Variants in FRAS1 observed in about 807,000 individuals in gnomAD.
The protein encoded by FRAS1 is Fraser extracellular matrix complex subunit 1.
In FRAS1, 290 loss-of-function variants were observed where a neutral mutation model predicts 435.2. The ratio of observed to expected loss-of-function variants is 0.67; its 90% CI spans 0.61 to 0.73. FRAS1 has a LOEUF of 0.73. Ranked by LOEUF, FRAS1 falls within the 30% of genes least tolerant of loss-of-function variation. The pLI is 0.00. For missense variants in FRAS1, 4,860 were observed against 5,001.5 expected (o/e 0.97, Z 0.85); for synonymous variants, 1,800 against 1,851.0 (o/e 0.97, Z 0.71).
At chr4:78,407,214 T>A (rs980180681) in intron 30 of FRAS1, among the ~76,000 whole-genome samples, 2 of 152,258 alleles carry the variant, frequency 1.3e-5, no homozygotes, top group African/African-American at 2.4e-5. Flanking sequence ...AATTCTCTCA[T>A]GAAAATTTTC....
At chr4:78,378,916 T>A (rs563023929) in intron 26 of FRAS1, among the ~76,000 whole-genome samples, 22 of 152,258 alleles carry the variant, frequency 1.4e-4, no homozygotes, top group African/African-American at 4.8e-4. Flanking sequence ...GTGCTTTTTG[T>A]GTCTTATCTA....
intron 14 of FRAS1, among the ~76,000 whole-genome samples, chr4:78,307,054 C>T (rs1039383881): frequency 6.6e-6 from 1 of 152,134 alleles, no homozygotes; most frequent in Admixed American, 6.6e-5. Context: ...GTGTGGATGT[C>T]CTTTCTGTTT....
At chr4:78,268,040 T>C (rs1348723899) in intron 9 of FRAS1, among the ~76,000 whole-genome samples, 2 of 152,246 alleles carry the variant, frequency 1.3e-5, no homozygotes, top group Non-Finnish European at 2.9e-5. Flanking sequence ...ATGTACTGTA[T>C]GTTGGAGGGA....
At chr4:78,252,634 A>G (rs1330230839) in intron 5 of FRAS1, 83 bp downstream of exon 5, 2 of 1,264,684 alleles carry the variant, frequency 1.6e-6, no homozygotes, top group Non-Finnish European at 1.1e-6. Context: ...CAATATTTCA[A>G]CATAGGTTCT....
chr4:78,058,340 T>G (rs2109835716), intron 1 of FRAS1, among the ~76,000 whole-genome samples: 1 of 152,116 alleles, frequency 6.6e-6, no homozygotes, highest in South Asian at 2.1e-4. Context: ...TTTGGGTGGG[T>G]GGGTGGCCGA....
At chr4:78,077,197 A>AACACACAC (rs10535451) in intron 2 of FRAS1, among the ~76,000 whole-genome samples, 3,775 of 150,024 alleles carry the variant, frequency 0.025, 64 homozygotes, top group African/African-American at 0.029. Flanking sequence ...GACACACAGA[A>AACACACAC]ACACACACAC....
At chr4:78,278,602 G>C in intron 9 of FRAS1, 53 bp from the exon 10 acceptor site, 1 of 1,021,136 alleles carries the variant, frequency 9.8e-7, no homozygotes. Flanking sequence ...ATTTAGCCCT[G>C]CTACCTGGAG....
At chr4:78,215,749 C>G (rs1723739458) in intron 2 of FRAS1, among the ~76,000 whole-genome samples, 1 of 152,210 alleles carries the variant, frequency 6.6e-6, no homozygotes, top group South Asian at 2.1e-4. Context: ...AGCTTAATAT[C>G]CTCAAGGTTC....
rs548958831 is a variant in FRAS1, at chr4:78,298,174, A to G, written c.1535-9892A>G. 2.7e-5 allele frequency among the ~76,000 whole-genome samples: 4 copies of G among 148,838 alleles called. No homozygotes were observed. The Admixed American group carries it at 2.7e-4, about 10-fold the overall frequency. ...TGCATATATATATACCTTATATAAA[A>G]TATAAAATATAAGGTACAGATATAT... On this transcript the variant is annotated intron_variant, in intron 14 of 73. Coordinates refer to ENST00000512123, the MANE Select transcript of FRAS1 (RefSeq NM_025074.7).
At chr4:78,171,135 T>C (rs1721535642) in intron 2 of FRAS1, among the ~76,000 whole-genome samples, 1 of 152,068 alleles carries the variant, frequency 6.6e-6, no homozygotes, top group African/African-American at 2.4e-5. Context: ...AATTGATGCC[T>C]CAAAAACTAT....
At chr4:78,246,130 G>A (rs1005851283) in intron 4 of FRAS1, among the ~76,000 whole-genome samples, 1 of 152,144 alleles carries the variant, frequency 6.6e-6, no homozygotes. Flanking sequence ...GTCTATAATA[G>A]AAATTATGAA....
rs1442942545 is a variant in FRAS1, at chr4:78,302,188, C to T, written c.1535-5878C>T. Among the ~76,000 whole-genome samples the T allele has an allele frequency of 6.4e-5, 9 of 141,552 alleles. No homozygotes were observed. The East Asian group carries it at 1.7e-3, about 27-fold the overall frequency. 92.9% of individuals were successfully genotyped at this position (141,552 alleles called of 152,430 possible). A position where few individuals can be genotyped will look rare whatever the true frequency, so the allele number is the denominator to read the frequency against. On this transcript the variant is annotated intron_variant, in intron 14 of 73. Coordinates refer to ENST00000512123, the MANE Select transcript of FRAS1 (RefSeq NM_025074.7). ...GTCCCTACAAAGGACATGAACTCAT[C>T]ATTTTTTTATGGCTGCATAGTATTC...
intron 10 of FRAS1, among the ~76,000 whole-genome samples, chr4:78,280,058 T>A (rs904462333): frequency 6.6e-6 from 1 of 152,248 alleles, no homozygotes; most frequent in Non-Finnish European, 1.5e-5. Context: ...TGTTTTTACT[T>A]CTTCACAGTT....
intron 2 of FRAS1, chr4:78,182,035 G>T (rs1722034378): frequency 6.6e-7 from 1 of 1,522,782 alleles, no homozygotes; most frequent in Non-Finnish European, 8.8e-7. Flanking sequence ...CTTCCTGTAA[G>T]TGCCCAGGCA....
intron 29 of FRAS1, among the ~76,000 whole-genome samples, chr4:78,397,522 A>G (rs2110341732): frequency 6.6e-6 from 1 of 152,078 alleles, no homozygotes; most frequent in South Asian, 2.1e-4. Context: ...GGTGCTGGCT[A>G]TGGGAGGGGG....
intron 20 of FRAS1, among the ~76,000 whole-genome samples, chr4:78,345,136 T>C (rs1463938064): frequency 6.6e-6 from 1 of 152,216 alleles, no homozygotes; most frequent in African/African-American, 2.4e-5. Flanking sequence ...CTTCCAAGGC[T>C]ACAGCTATGA....
chr4:78,238,158 A>C (rs1274826692), intron 3 of FRAS1, among the ~76,000 whole-genome samples: 1 of 151,968 alleles, frequency 6.6e-6, no homozygotes, highest in Non-Finnish European at 1.5e-5. Flanking sequence ...TTGTGCTACT[A>C]TTGGGCTCCC....
intron 47 of FRAS1, among the ~76,000 whole-genome samples, chr4:78,460,913 A>T (rs1197671243): frequency 6.6e-6 from 1 of 152,232 alleles, no homozygotes; most frequent in Non-Finnish European, 1.5e-5. Context: ...TTAGGTATAG[A>T]TTATAGTGGA....
intron 60 of FRAS1, among the ~76,000 whole-genome samples, chr4:78,498,124 G>A (rs1242625804): frequency 2.0e-5 from 3 of 152,200 alleles, no homozygotes; most frequent in Admixed American, 6.5e-5. Flanking sequence ...ATAACATTAG[G>A]AGACATACCT....
Sources: allele counts gnomAD v4.1 joint callset (sites outside exome capture counted in the v4.1 genomes callset), GRCh38; gene constraint gnomAD v4.1.1; transcripts MANE v1.5; gene names NCBI Gene and HGNC (gene_info 2026-07-23, HGNC 2026-07-21).